The following TNS3 variants were observed in gnomAD, a reference collection of about 807,000 sequenced individuals.
TNS3 encodes tensin 3.
In TNS3, 45 loss-of-function variants were observed where a neutral mutation model predicts 140.9. The ratio of observed to expected loss-of-function variants is 0.32; its 90% CI spans 0.25 to 0.41. The LOEUF is 0.41. Ranked by LOEUF, TNS3 falls within the 10% of genes least tolerant of loss-of-function variation. The pLI is 1.00. For missense variants in TNS3, 1,716 were observed against 1,906.7 expected (o/e 0.90, Z 1.86); for synonymous variants, 815 against 788.4 (o/e 1.03, Z -0.56).
chr7:47,505,700 G>A (rs1798390143), intron 3 of TNS3, among the ~76,000 whole-genome samples: 1 of 151,990 alleles, frequency 6.6e-6, no homozygotes, highest in African/African-American at 2.4e-5. Context: ...AGCTATACTA[G>A]TCTAGTTCTT....
intron 3 of TNS3, among the ~76,000 whole-genome samples, chr7:47,484,985 G>A (rs866652038): frequency 1.3e-5 from 2 of 152,196 alleles, no homozygotes; most frequent in Non-Finnish European, 2.9e-5. Flanking sequence ...GCCACCCAAC[G>A]CTGCAGGGCT....
chr7:47,544,107 A>C (rs1397163294), intron 1 of TNS3, among the ~76,000 whole-genome samples: 2 of 152,228 alleles, frequency 1.3e-5, no homozygotes, highest in African/African-American at 4.8e-5. Flanking sequence ...GAGCAAAAGA[A>C]AGTGTTAAAT....
intron 22 of TNS3, 138 bp downstream of exon 22, chr7:47,302,812 A>C: frequency 8.2e-7 from 1 of 1,219,940 alleles, no homozygotes; most frequent in Non-Finnish European, 1.1e-6. Flanking sequence ...ATGGAAAAGT[A>C]CCCCAACGGC....
chr7:47,456,678 A>T (rs1796259747), intron 4 of TNS3, among the ~76,000 whole-genome samples: 1 of 152,162 alleles, frequency 6.6e-6, no homozygotes, highest in Admixed American at 6.5e-5. Flanking sequence ...ATGCTGAGAC[A>T]GCAACAGGGA....
chr7:47,475,194 G>A (rs1013698757), intron 4 of TNS3, among the ~76,000 whole-genome samples: 1 of 152,230 alleles, frequency 6.6e-6, no homozygotes, highest in Non-Finnish European at 1.5e-5. Flanking sequence ...CAAAGGTGGA[G>A]TGTGAGCTCC....
At chr7:47,415,266 G>A in intron 10 of TNS3, 60 bp from the exon 11 acceptor site, 1 of 1,213,616 alleles carries the variant, frequency 8.2e-7, no homozygotes, top group Non-Finnish European at 1.2e-6. Context: ...TGCTGAGAAG[G>A]GAACTCAAGG....
intron 1 of TNS3, among the ~76,000 whole-genome samples, chr7:47,573,650 T>C (rs991717794): frequency 1.3e-5 from 2 of 152,008 alleles, no homozygotes; most frequent in African/African-American, 4.8e-5. Context: ...AGCATCCTCT[T>C]GGAAAGAAAC....
At chr7:47,279,308 A>T (rs1451834783) in intron 30 of TNS3, 1 of 152,296 alleles carries the variant, frequency 6.6e-6, no homozygotes. Flanking sequence ...GGTTAGGATG[A>T]GGTCCCTCAG....
chr7:47,328,143 TG>T, intron 20 of TNS3, among the ~76,000 whole-genome samples: 1 of 152,048 alleles, frequency 6.6e-6, no homozygotes, highest in Middle Eastern at 3.4e-3. Flanking sequence ...CAGGGCTCTG[TG>T]TTCCGGCCTG....
chr7:47,425,747 G>A (rs1794612333), intron 9 of TNS3, among the ~76,000 whole-genome samples: 2 of 152,314 alleles, frequency 1.3e-5, no homozygotes, highest in South Asian at 2.1e-4. Flanking sequence ...ATGAGTAGTA[G>A]TAATAATATT....
intron 4 of TNS3, among the ~76,000 whole-genome samples, chr7:47,475,744 T>C (rs1797172004): frequency 6.6e-6 from 1 of 152,200 alleles, no homozygotes; most frequent in African/African-American, 2.4e-5. Context: ...ACTCTGCCCT[T>C]GAACTTCAAT....
chr7:47,555,121 T>G (rs943838041), intron 1 of TNS3, among the ~76,000 whole-genome samples: 2 of 151,730 alleles, frequency 1.3e-5, no homozygotes, highest in Admixed American at 6.6e-5. Flanking sequence ...ACAAATGTGG[T>G]CGGGCGTGGT....
chr7:47,360,036 A>C (rs990539384), intron 17 of TNS3, among the ~76,000 whole-genome samples: 20 of 152,328 alleles, frequency 1.3e-4, no homozygotes, highest in African/African-American at 4.6e-4. Flanking sequence ...GCAGAGTGAG[A>C]GTATCTGGGG....
Position 47,368,828 on chromosome 7 carries a change from A to G in TNS3, c.1818T>C (p.Asp606=). Residue 606 remains aspartate, a synonymous_variant, in exon 17 of 31, where the codon GAT becomes GAC. Coordinates refer to ENST00000311160, the MANE Select transcript of TNS3 (RefSeq NM_022748.12). ...VVAHQYSFAP[D]GEARLVSRCP... ...AGCGGCTCACCAGCCGGGCCTCCCC[A>G]TCTGGGGCGAAGCTATACTGGTGAG... The G allele has an allele frequency of 6.2e-7, 1 of 1,612,828 alleles. No homozygotes were observed. The highest frequency in any genetic ancestry group is 8.5e-7 in the Non-Finnish European group (1 of 1,179,674).
rs79708307 is a variant in TNS3, at chr7:47,528,610, T to C, written c.-153+426A>G. On this transcript the variant is annotated intron_variant, in intron 2 of 30. Transcript: ENST00000311160. ...CATTACTTGACGTCTAAATATCTGG[T>C]ACCCAAGCTGGTGGCTTAGTTTAGT... is the stretch of plus-strand genomic sequence containing the variant. 8.0e-3 allele frequency among the ~76,000 whole-genome samples: 1,224 copies of C among 152,324 alleles called. 21 individuals carry two copies. The highest frequency in any genetic ancestry group is 0.028 in the African/African-American group (1,174 of 41,556).
chr7:47,485,020 C>T (rs1421694794), intron 3 of TNS3, among the ~76,000 whole-genome samples: 1 of 152,204 alleles, frequency 6.6e-6, no homozygotes, highest in South Asian at 2.1e-4. Flanking sequence ...GCACTGCATC[C>T]CCTGAGACCG....
At chr7:47,426,594 G>T (rs1300925066) in intron 9 of TNS3, among the ~76,000 whole-genome samples, 2 of 152,088 alleles carry the variant, frequency 1.3e-5, no homozygotes, top group Non-Finnish European at 2.9e-5. Context: ...CAACATTCTG[G>T]GAAGTAGAGC....
intron 4 of TNS3, among the ~76,000 whole-genome samples, chr7:47,448,045 T>C (rs904867182): frequency 1.1e-4 from 16 of 152,216 alleles, no homozygotes; most frequent in African/African-American, 3.6e-4. Context: ...GGGGAGGCTG[T>C]GGACTGCTGG....
chr7:47,557,764 G>A (rs1800233513), intron 1 of TNS3, among the ~76,000 whole-genome samples: 1 of 152,168 alleles, frequency 6.6e-6, no homozygotes, highest in Non-Finnish European at 1.5e-5. Context: ...TGTAGTGGGA[G>A]GAGGTAGGGA....
Sources: gnomAD v4.1 joint callset for allele counts (sites outside exome capture counted in the v4.1 genomes callset) on GRCh38, gnomAD v4.1.1 for gene constraint, MANE v1.5 for transcripts, NCBI Gene and HGNC (gene_info 2026-07-23, HGNC 2026-07-21) for gene names.